Variants in MSH4 observed in about 807,000 individuals in gnomAD.
MSH4 encodes the protein mutS homolog 4, also known as mutS protein homolog 4.
MSH4 carries 106 observed loss-of-function variants against 113.7 expected under a neutral mutation model. That is an observed-to-expected ratio of 0.93 (90% CI 0.80 to 1.10). The LOEUF is 1.10. Ranked by LOEUF, MSH4 falls within the 50% of genes least tolerant of loss-of-function variation. The pLI is 0.00. For missense variants in MSH4, 1,061 were observed against 1,093.7 expected (o/e 0.97, Z 0.42); for synonymous variants, 368 against 380.2 (o/e 0.97, Z 0.37).
At chr1:75,820,867 T>C (rs1650393299) in intron 6 of MSH4, among the ~76,000 whole-genome samples, 1 of 151,578 alleles carries the variant, frequency 6.6e-6, no homozygotes, top group African/African-American at 2.4e-5. Flanking sequence ...ATCCTAAATA[T>C]ATATGCACCC....
chr1:75,908,699 C>T (rs1318384031), intron 19 of MSH4, among the ~76,000 whole-genome samples: 2 of 152,138 alleles, frequency 1.3e-5, no homozygotes, highest in Non-Finnish European at 2.9e-5. Context: ...AGTTTATCTT[C>T]AGTGTCTCGC....
chr1:75,905,980 G>C (rs555825311), intron 19 of MSH4, among the ~76,000 whole-genome samples: 2 of 151,676 alleles, frequency 1.3e-5, no homozygotes, highest in South Asian at 4.2e-4. Flanking sequence ...CATACAGTTA[G>C]ATCTTATTTT....
intron 9 of MSH4, among the ~76,000 whole-genome samples, 161 bp downstream of exon 9, chr1:75,867,749 C>T (rs899668829): frequency 1.3e-5 from 2 of 151,902 alleles, no homozygotes; most frequent in African/African-American, 2.4e-5. Context: ...CATTGTTAGC[C>T]TTATTATGCT....
chr1:75,862,077 G>T (rs1460799754), intron 8 of MSH4, among the ~76,000 whole-genome samples: 3 of 152,118 alleles, frequency 2.0e-5, no homozygotes, highest in Non-Finnish European at 4.4e-5. Flanking sequence ...GTCTCTGTGG[G>T]CGTGGAACCT....
Position 75,822,528 on chromosome 1 carries a change from A to T in MSH4, c.1109A>T (p.Asp370Val). 6.3e-7 allele frequency: 1 copy of T among 1,575,808 alleles called. No individual in the cohort carries two copies. Among genetic ancestry groups the T allele is most frequent in the Non-Finnish European group, 8.6e-7 (1 of 1,166,332 alleles). ...VDIETINMRLDCVQELLQDEE... is the reference protein window; with the variant it reads ...VDIETINMRLVCVQELLQDEE... ...ATTGAAACCATTAACATGAGATTAG[A>T]TTGTGTTCAAGAACTACTTCAAGAT... Residue 370 changes from aspartate (D) to valine (V), a missense_variant, in exon 7 of 20, where the codon GAT becomes GTT. Coordinates refer to ENST00000263187, the MANE Select transcript of MSH4 (RefSeq NM_002440.4).
At chr1:75,881,709 G>A (rs5745469) in intron 14 of MSH4, among the ~76,000 whole-genome samples, 33,541 of 151,834 alleles carry the variant, frequency 0.22, 4,356 homozygotes, top group Middle Eastern at 0.35. Flanking sequence ...TAGAAGCAGC[G>A]TGATAAACGT....
chr1:75,805,847 AATC>A (rs965054732), intron 2 of MSH4, among the ~76,000 whole-genome samples: 66 of 152,158 alleles, frequency 4.3e-4, no homozygotes, highest in Admixed American at 9.2e-4. Flanking sequence ...CTAATTTAGT[AATC>A]ATCATCATCA....
intron 17 of MSH4, among the ~76,000 whole-genome samples, chr1:75,895,250 C>A (rs1393815965): frequency 1.3e-5 from 2 of 152,090 alleles, no homozygotes; most frequent in African/African-American, 4.8e-5. Flanking sequence ...GACTACTACT[C>A]CACAATGCAA....
At chr1:75,889,099 T>C (rs1652193759) in intron 15 of MSH4, 152 bp from the exon 16 acceptor site, 1 of 410,936 alleles carries the variant, frequency 2.4e-6, no homozygotes, top group Non-Finnish European at 4.4e-6. Context: ...GCTTTTATAA[T>C]AAGGGATAGA....
At chr1:75,804,169 T>C (rs1478868975) in intron 2 of MSH4, among the ~76,000 whole-genome samples, 1 of 152,112 alleles carries the variant, frequency 6.6e-6, no homozygotes, top group East Asian at 1.9e-4. Flanking sequence ...AAGAGAAACC[T>C]CTCCCTTTTA....
At chr1:75,856,065 A>AAAG (rs1241624790) in intron 8 of MSH4, among the ~76,000 whole-genome samples, 2 of 152,206 alleles carry the variant, frequency 1.3e-5, no homozygotes, top group Non-Finnish European at 2.9e-5. Flanking sequence ...GGAAAAAAAT[A>AAAG]TCACTTTGAC....
intron 14 of MSH4, 69 bp downstream of exon 14, chr1:75,881,439 T>C (rs1258843329): frequency 1.3e-6 from 2 of 1,508,380 alleles, no homozygotes; most frequent in Non-Finnish European, 9.1e-7. Flanking sequence ...CAATTTGATA[T>C]AATAGTTATG....
At position 75,883,788 on chromosome 1, in the gene MSH4, C is replaced by T. The variant is rs1187310464; in HGVS notation, c.2074C>T (p.Gln692Ter). ...NMSGKSTYLKQIALCQIMAQI... is the reference protein window; with the variant it reads ...NMSGKSTYLK ...GAGTGGAAAATCCACATATTTAAAACAGATTGCTCTTTGTCAGATTATGGC... is the reference window on the plus strand; with the variant it reads ...GAGTGGAAAATCCACATATTTAAAATAGATTGCTCTTTGTCAGATTATGGC... Residue 692 changes from glutamine to a stop codon, truncating the protein, a stop_gained, in exon 15 of 20, where the codon CAG (glutamine) becomes TAG (stop). Coordinates refer to ENST00000263187, the MANE Select transcript of MSH4 (RefSeq NM_002440.4). LOFTEE classifies it high-confidence loss of function. The T allele has an allele frequency of 2.5e-6, 4 of 1,612,860 alleles. No individual in the cohort carries two copies. Among genetic ancestry groups the T allele is most frequent in the Non-Finnish European group, 3.4e-6 (4 of 1,179,454 alleles).
At chr1:75,817,411 G>T (rs544789552) in intron 6 of MSH4, among the ~76,000 whole-genome samples, 1 of 152,090 alleles carries the variant, frequency 6.6e-6, no homozygotes, top group Non-Finnish European at 1.5e-5. Flanking sequence ...TGTTATCATG[G>T]CATAGAAAGT....
intron 7 of MSH4, among the ~76,000 whole-genome samples, chr1:75,834,518 T>C (rs1650784266): frequency 6.6e-6 from 1 of 152,196 alleles, no homozygotes; most frequent in Non-Finnish European, 1.5e-5. Context: ...TAGCAAAGAC[T>C]TGGAACTAAC....
Position 75,807,029 on chromosome 1 carries a change from C to T in MSH4, c.476C>T (p.Ala159Val). 1.3e-6 allele frequency: 2 copies of T among 1,583,204 alleles called. No individual in the cohort carries two copies. Among genetic ancestry groups the T allele is most frequent in the Non-Finnish European group, 1.7e-6 (2 of 1,170,472 alleles). ...ISAHSPSVIV[A>V]VVEGRGLARG... ...GCACACTCCCCATCAGTTATTGTAGCTGTTGTAGAAGGGAGAGGACTTGCC... is the reference window on the plus strand; with the variant it reads ...GCACACTCCCCATCAGTTATTGTAGTTGTTGTAGAAGGGAGAGGACTTGCC... The change falls in exon 3 of 20, where the codon GCT becomes GTT. Residue 159 changes from alanine (A) to valine (V), a missense_variant. Transcript: ENST00000263187.
rs1234904330 is a variant in MSH4, at chr1:75,797,003, CT to C, written c.19del (p.Ser7HisfsTer152). On this transcript the variant is annotated frameshift_variant, in exon 1 of 20. Coordinates refer to ENST00000263187, the MANE Select transcript of MSH4 (RefSeq NM_002440.4). LOFTEE classifies it high-confidence loss of function. MLRPEI[S>X]STSPSAPAVS... ...TTGGGAGGATGCTGAGGCCTGAGAT[CT>C]CATCAACCTCGCCTTCTGCCCCGGC... 6.2e-7 allele frequency: 1 copy of C among 1,614,094 alleles called. No homozygotes were observed. The highest frequency in any genetic ancestry group is 8.5e-7 in the Non-Finnish European group (1 of 1,180,042).
At chr1:75,851,941 C>A (rs888102043) in intron 8 of MSH4, among the ~76,000 whole-genome samples, 3 of 152,278 alleles carry the variant, frequency 2.0e-5, no homozygotes, top group Non-Finnish European at 4.4e-5. Flanking sequence ...AATGCATTCA[C>A]AGAGTTGTAC....
At position 75,803,920 on chromosome 1, in the gene MSH4, T is replaced by C; in HGVS notation, c.427+7T>C. On this transcript the variant is annotated splice_region_variant and intron_variant, in intron 2 of 19. Transcript: ENST00000263187. ...CCACAAGTGGGATATTCAGGTAAAA[T>C]AAGTGGAAGATTAACCTAGATGATG... 6.8e-7 allele frequency: 1 copy of C among 1,466,208 alleles called. No individual in the cohort carries two copies. Among genetic ancestry groups the C allele is most frequent in the Non-Finnish European group, 9.0e-7 (1 of 1,105,916 alleles). 90.8% of individuals were successfully genotyped at this position (1,466,208 alleles called of 1,614,324 possible).
Sources: gnomAD v4.1 joint callset for allele counts (sites outside exome capture counted in the v4.1 genomes callset) on GRCh38, gnomAD v4.1.1 for gene constraint, MANE v1.5 for transcripts, NCBI Gene and HGNC (gene_info 2026-07-23, HGNC 2026-07-21) for gene names.